The following MBTD1 variants were observed in gnomAD, a reference collection of about 807,000 sequenced individuals.
MBTD1 encodes the protein MBT domain-containing protein 1.
A neutral mutation model predicts 87.8 loss-of-function variants in MBTD1; 24 were observed. The ratio of observed to expected loss-of-function variants is 0.27; its 90% CI spans 0.20 to 0.38. The LOEUF (loss-of-function observed/expected upper bound fraction) is 0.38. Among genes scored for constraint, MBTD1 ranks in the 10% least tolerant of loss-of-function variants. MBTD1 has a pLI of 1.00. For synonymous variants in MBTD1, 237 were observed against 248.6 expected (o/e 0.95, Z 0.44); for missense variants, 436 against 760.2 (o/e 0.57, Z 5.02).
chr17:51,260,101 G>C, upstream of MBTD1: 1 of 378,674 alleles, frequency 2.6e-6, no homozygotes, highest in Non-Finnish European at 4.7e-6. Flanking sequence ...CGCCCCGATT[G>C]GCCCACTTCC....
At chr17:51,234,503 A>G (rs892277893) in intron 2 of MBTD1, among the ~76,000 whole-genome samples, 1 of 152,142 alleles carries the variant, frequency 6.6e-6, no homozygotes, top group Non-Finnish European at 1.5e-5. Flanking sequence ...AAATTTGACA[A>G]CTTGGATGAA....
intron 16 of MBTD1, among the ~76,000 whole-genome samples, chr17:51,188,753 GTTTTTT>G (rs767959315): frequency 8.3e-5 from 9 of 108,890 alleles, no homozygotes; most frequent in African/African-American, 3.0e-4. Flanking sequence ...ATTCAAATAG[GTTTTTT>G]TTTTTTTTTT....
intron 7 of MBTD1, 110 bp downstream of exon 7, chr17:51,206,778 T>C (rs908736687): frequency 1.7e-5 from 12 of 714,272 alleles, no homozygotes; most frequent in Non-Finnish European, 2.6e-5. Context: ...CCCTATATCA[T>C]AACATATTTT....
intron 2 of MBTD1, among the ~76,000 whole-genome samples, chr17:51,238,645 G>A (rs1053368160): frequency 1.3e-5 from 2 of 152,134 alleles, no homozygotes; most frequent in South Asian, 4.1e-4. Context: ...AAGGCAACAG[G>A]CACTTTCAAC....
chr17:51,198,447 A>C (rs947680294), intron 12 of MBTD1, among the ~76,000 whole-genome samples: 2 of 152,194 alleles, frequency 1.3e-5, no homozygotes, highest in Non-Finnish European at 2.9e-5. Flanking sequence ...GTAAACATGT[A>C]CACTAAATTT....
intron 2 of MBTD1, among the ~76,000 whole-genome samples, chr17:51,230,166 CAGA>C (rs771434089): frequency 6.6e-6 from 1 of 152,076 alleles, no homozygotes; most frequent in Non-Finnish European, 1.5e-5. Flanking sequence ...TTGCTACAAT[CAGA>C]AGATCTAAAA....
At chr17:51,225,817 T>C (rs565571001) in intron 2 of MBTD1, among the ~76,000 whole-genome samples, 1 of 150,730 alleles carries the variant, frequency 6.6e-6, no homozygotes, top group East Asian at 2.0e-4. Flanking sequence ...CTCACTCTGT[T>C]GCCCAGGCTG....
At chr17:51,182,864 T>A (rs1215134514) in intron 16 of MBTD1, among the ~76,000 whole-genome samples, 1 of 152,236 alleles carries the variant, frequency 6.6e-6, no homozygotes, top group African/African-American at 2.4e-5. Flanking sequence ...CTTAAGTTTT[T>A]CATGAAGCAA....
At chr17:51,196,825 G>A (rs1162982920) in intron 12 of MBTD1, among the ~76,000 whole-genome samples, 1 of 151,686 alleles carries the variant, frequency 6.6e-6, no homozygotes, top group Admixed American at 6.6e-5. Flanking sequence ...CTGGAAGGCA[G>A]AGGCTGCAGT....
chr17:51,260,490 C>A (rs916714744), upstream of MBTD1: 31 of 1,369,398 alleles, frequency 2.3e-5, 1 homozygote, highest in Non-Finnish European at 2.9e-5. Context: ...CTCCTTCCGG[C>A]CCCCGGGGCT....
At chr17:51,200,235 G>C (rs1161594426) in intron 12 of MBTD1, among the ~76,000 whole-genome samples, 2 of 152,066 alleles carry the variant, frequency 1.3e-5, no homozygotes, top group Non-Finnish European at 2.9e-5. Flanking sequence ...TCTTGACCAT[G>C]GCTGTACATG....
At chr17:51,194,727 GAAAA>G (rs202219609) in intron 13 of MBTD1, among the ~76,000 whole-genome samples, 4 of 133,334 alleles carry the variant, frequency 3.0e-5, no homozygotes, top group African/African-American at 1.1e-4. Context: ...TACATACAAA[GAAAA>G]AAAAAAAAAA....
intron 2 of MBTD1, among the ~76,000 whole-genome samples, chr17:51,239,536 G>A (rs1224683995): frequency 6.6e-6 from 1 of 151,996 alleles, no homozygotes; most frequent in Non-Finnish European, 1.5e-5. Flanking sequence ...TGGTTTATAT[G>A]CTTTAAGCCC....
Position 51,177,646 on chromosome 17 carries a change from CAAGAA to C in MBTD1, c.*2925_*2929del, listed in dbSNP as rs1330642712. 4 of 151,888 alleles carry C rather than the reference CAAGAA, an allele frequency of 2.6e-5. No homozygotes were observed. The highest frequency in any genetic ancestry group is 7.3e-5 in the African/African-American group (3 of 41,342). 9.4% of individuals were successfully genotyped at this position (151,888 alleles called of 1,614,324 possible). A position where few individuals can be genotyped will look rare whatever the true frequency, so the allele number is the denominator to read the frequency against. ...CACTTTCTCAATGATCACGAGTTAC[CAAGAA>C]AATAAAAGATTAAATTTGTACAGAT... is the stretch of plus-strand genomic sequence containing the variant. On this transcript the variant is annotated 3_prime_UTR_variant, in exon 17 of 17. Transcript: ENST00000586178.
intron 2 of MBTD1, among the ~76,000 whole-genome samples, chr17:51,248,931 T>C (rs2054610086): frequency 6.6e-6 from 1 of 152,164 alleles, no homozygotes; most frequent in African/African-American, 2.4e-5. Context: ...TTGACAATTT[T>C]TTGTGAATAT....
At chr17:51,240,980 A>AT (rs916972325) in intron 2 of MBTD1, among the ~76,000 whole-genome samples, 20 of 148,488 alleles carry the variant, frequency 1.3e-4, no homozygotes, top group East Asian at 3.9e-4. Flanking sequence ...GGTGATGTTA[A>AT]TTTTTTTTTT....
At chr17:51,194,881 C>G (rs556615418) in intron 13 of MBTD1, among the ~76,000 whole-genome samples, 6 of 152,116 alleles carry the variant, frequency 3.9e-5, no homozygotes, top group African/African-American at 7.2e-5. Flanking sequence ...CAGAGCAAGA[C>G]CCTGTCTTTA....
At chr17:51,199,095 CTTTATT>C (rs1291080371) in intron 12 of MBTD1, among the ~76,000 whole-genome samples, 1 of 151,868 alleles carries the variant, frequency 6.6e-6, no homozygotes, top group East Asian at 1.9e-4. Flanking sequence ...TGCACGCAGT[CTTTATT>C]TTTTTCTTTT....
chr17:51,222,798 G>A (rs1239538291), intron 3 of MBTD1, among the ~76,000 whole-genome samples: 4 of 151,336 alleles, frequency 2.6e-5, no homozygotes, highest in Admixed American at 1.3e-4. Flanking sequence ...CAGCCCCTGA[G>A]CTGTTCATAA....
Sources: gnomAD v4.1 joint callset for allele counts (sites outside exome capture counted in the v4.1 genomes callset) on GRCh38, gnomAD v4.1.1 for gene constraint, MANE v1.5 for transcripts, NCBI Gene and HGNC (gene_info 2026-07-23, HGNC 2026-07-21) for gene names.